EPHB4: variants seen among roughly 807,000 people sequenced by gnomAD.
EPHB4 encodes the protein ephrin type-B receptor 4.
In EPHB4, 50 loss-of-function variants were observed where a neutral mutation model predicts 110.6. The observed-to-expected ratio is 0.45, with a 90% CI of 0.36 to 0.57. EPHB4 has a LOEUF of 0.57. Among genes scored for constraint, EPHB4 ranks in the 20% least tolerant of loss-of-function variants. The pLI, the probability that EPHB4 is intolerant of heterozygous loss-of-function variation, is 0.00. For synonymous variants in EPHB4, 592 were observed against 578.4 expected, an observed-to-expected ratio of 1.02 and a Z score of -0.34; for missense variants, 1,128 against 1,382.1, an observed-to-expected ratio of 0.82 and a Z score of 2.91.
intron 1 of EPHB4, chr7:100,825,467 C>G (rs1031542219): frequency 3.3e-5 from 5 of 152,314 alleles, no homozygotes; most frequent in African/African-American, 1.2e-4. Context: ...AGAGCAAGCG[C>G]AGGCTCCCTT....
chr7:100,824,019 G>A, intron 2 of EPHB4, 88 bp from the exon 3 acceptor site: 1 of 1,509,540 alleles, frequency 6.6e-7, no homozygotes, highest in Non-Finnish European at 8.9e-7. Flanking sequence ...GAGAGGGACT[G>A]AGAAAGGGGG....
chr7:100,813,868 G>T, intron 9 of EPHB4, 51 bp downstream of exon 9: 2 of 1,609,454 alleles, frequency 1.2e-6, no homozygotes, highest in Non-Finnish European at 1.7e-6. Context: ...ACCCAGGCAG[G>T]TGGCCATCAA....
chr7:100,805,895 A>C (rs961023788), intron 14 of EPHB4: 3 of 463,692 alleles, frequency 6.5e-6, no homozygotes, highest in Middle Eastern at 5.4e-4. Context: ...TGATACAGAC[A>C]TGTTACCTCT....
Position 100,806,589 on chromosome 7 carries a change from G to C in EPHB4, c.2335-20C>G, listed in dbSNP as rs778904315. 3.7e-6 allele frequency: 6 copies of C among 1,605,830 alleles called. No homozygotes were observed. The South Asian group carries it at 5.6e-5, about 15-fold the overall frequency. ...TCCTCCCTGCAGAAAAAGGAGAAAAGGTGAGCTGGGGGACTCACTGAGGGA... is the reference window on the plus strand; with the variant it reads ...TCCTCCCTGCAGAAAAAGGAGAAAACGTGAGCTGGGGGACTCACTGAGGGA... On this transcript the variant is annotated intron_variant, in intron 13 of 16. Coordinates refer to ENST00000358173, the MANE Select transcript of EPHB4 (RefSeq NM_004444.5).
intron 8 of EPHB4, among the ~76,000 whole-genome samples, chr7:100,815,116 C>T (rs1345634828): frequency 6.6e-6 from 1 of 151,474 alleles, no homozygotes; most frequent in Non-Finnish European, 1.5e-5. Flanking sequence ...CTCAGGAGTT[C>T]GAGACCAGCC....
chr7:100,817,265 C>G lies in EPHB4; in HGVS notation c.1515G>C (p.Val505=). 1 of 1,606,734 alleles carries G rather than the reference C, an allele frequency of 6.2e-7. No homozygotes were observed. The highest frequency in any genetic ancestry group is 1.3e-5 in the African/African-American group (1 of 74,576). ...RGLKRGASYL[V]QVRARSEAGY... The stretch of plus-strand genomic sequence containing the variant: ...CGGCCTCAGAGCGCGCCCGTACCTG[C>G]ACCAGGTAGCTGGCTCCCCGCTTCA... Residue 505 remains valine (V), a synonymous_variant, in exon 8 of 17, where the codon GTG becomes GTC. Coordinates refer to ENST00000358173, the MANE Select transcript of EPHB4 (RefSeq NM_004444.5).
chr7:100,824,207 C>T lies in EPHB4; in HGVS notation c.119G>A (p.Gly40Glu). ...LKWVTFPQVDGQWEELSGLDE... is the reference protein window; with the variant it reads ...LKWVTFPQVDEQWEELSGLDE... Reference sequence around the variant, plus strand: ...GCTCCTGGGTGCAGCTCTCACCTGCCCGTCCACCTGAGGGAATGTCACCCA... The same window carrying T: ...GCTCCTGGGTGCAGCTCTCACCTGCTCGTCCACCTGAGGGAATGTCACCCA... Residue 40 changes from glycine to glutamate, a missense_variant, in exon 2 of 17, where the codon GGG becomes GAG. Gly to Glu is a moderately conservative substitution (Grantham distance 98). Coordinates refer to ENST00000358173, the MANE Select transcript of EPHB4 (RefSeq NM_004444.5). 6.2e-7 allele frequency: 1 copy of T among 1,614,130 alleles called. No homozygotes were observed. The highest frequency in any genetic ancestry group is 8.5e-7 in the Non-Finnish European group (1 of 1,180,000).
intron 8 of EPHB4, 116 bp from the exon 9 acceptor site, chr7:100,814,137 A>C: frequency 3.7e-6 from 4 of 1,091,954 alleles, no homozygotes; most frequent in Non-Finnish European, 5.2e-6. Flanking sequence ...TACAGGGGAC[A>C]GGTGGAGGGA....
At chr7:100,817,031 G>A (rs562589398) in intron 8 of EPHB4, among the ~76,000 whole-genome samples, 161 bp downstream of exon 8, 34 of 149,686 alleles carry the variant, frequency 2.3e-4, no homozygotes, top group Non-Finnish European at 3.8e-4. Flanking sequence ...TGCAGTGAGC[G>A]GAGATGGTGC....
At chr7:100,816,236 T>G (rs1813064048) in intron 8 of EPHB4, among the ~76,000 whole-genome samples, 1 of 151,814 alleles carries the variant, frequency 6.6e-6, no homozygotes, top group South Asian at 2.1e-4. Flanking sequence ...TTACCTCCAA[T>G]CCTCAAAGCC....
chr7:100,819,581 C>G lies in EPHB4; in HGVS notation c.1273G>C (p.Val425Leu), dbSNP rs1467694664. 3 of 1,573,970 alleles carry G rather than the reference C, an allele frequency of 1.9e-6. No individual in the cohort carries two copies. The highest frequency in any genetic ancestry group is 8.7e-7 in the Non-Finnish European group (1 of 1,153,804). Reference sequence around the variant, plus strand: ...CCCTCTCGGTCAGTGGTGACATTGACAGGCTCAAATGGGACGGGCCCCGTG... The same window carrying G: ...CCCTCTCGGTCAGTGGTGACATTGAGAGGCTCAAATGGGACGGGCCCCGTG... The part of the protein sequence containing the change: ...LATGPVPFEP[V>L]NVTTDREVPP... Residue 425 changes from valine (V) to leucine (L), a missense_variant, in exon 6 of 17, where the codon GTC becomes CTC. Physicochemically the swap from Val to Leu is conservative, Grantham distance 32 (BLOSUM62 1). Around this residue, in one of 3 missense-constraint regions of EPHB4, gnomAD observed 728 missense variants for 828.6 expected, o/e 0.88. Coordinates refer to ENST00000358173, the MANE Select transcript of EPHB4 (RefSeq NM_004444.5).
At chr7:100,824,115 G>A in intron 2 of EPHB4, 88 bp downstream of exon 2, 1 of 1,579,664 alleles carries the variant, frequency 6.3e-7, no homozygotes, top group Non-Finnish European at 8.7e-7. Flanking sequence ...ACAGGGGAGA[G>A]GAGTGGCACA....
In EPHB4 at chr7:100,822,395, G is replaced by A. The variant is rs556370317; in HGVS notation, c.684C>T (p.Val228=). The A allele has an allele frequency of 1.3e-6, 2 of 1,576,844 alleles. No homozygotes were observed. Among genetic ancestry groups the A allele is most frequent in the East Asian group, 2.3e-5 (1 of 43,540 alleles). Residue 228 remains valine (V), a synonymous_variant, in exon 4 of 17, where the codon GTC becomes GTT. Transcript: ENST00000358173. This position sits in a 1 kb window ranked among gnomAD's most constrained non-coding sequence, Gnocchi z 4.7. ...PVAGSCVVDA[V]PAPGPSPSLY... is the part of the protein sequence containing the mutation. ...GGCTGGGGCTGGGGCCAGGGGCGGG[G>A]ACGGCATCCACCACGCAGCTACCGG... is the stretch of plus-strand genomic sequence containing the variant.
chr7:100,806,929 C>G (rs1364222905), intron 13 of EPHB4, among the ~76,000 whole-genome samples: 1 of 152,148 alleles, frequency 6.6e-6, no homozygotes. Flanking sequence ...CTCAGCCTCC[C>G]AAAGTGCTGG....
rs1402032309 is a variant in EPHB4, at chr7:100,827,138, T to G, written c.-108A>C. 1.6e-5 allele frequency: 20 copies of G among 1,247,788 alleles called. No individual in the cohort carries two copies. Among genetic ancestry groups the G allele is most frequent in the African/African-American group, 3.1e-5 (2 of 64,598 alleles). The allele number at this position is 1,247,788 out of a possible 1,614,324, so 77.3% of individuals were successfully genotyped here. ...ACGCCGATACTCCGCGCGGGACTCC[T>G]CGTCGGGGCCCTCAGCGCGGGCCCA... is the stretch of plus-strand genomic sequence containing the variant. On this transcript the variant is annotated 5_prime_UTR_variant, in exon 1 of 17. Coordinates refer to ENST00000358173, the MANE Select transcript of EPHB4 (RefSeq NM_004444.5).
intron 8 of EPHB4, among the ~76,000 whole-genome samples, chr7:100,815,210 C>T (rs1813037884): frequency 6.6e-6 from 1 of 151,206 alleles, no homozygotes; most frequent in Admixed American, 6.6e-5. Flanking sequence ...ACAGTCCCAG[C>T]TGCTTGGGAG....
chr7:100,810,909 C>T (rs187670521), intron 12 of EPHB4, among the ~76,000 whole-genome samples: 2 of 152,112 alleles, frequency 1.3e-5, no homozygotes, highest in Non-Finnish European at 2.9e-5. Flanking sequence ...TAACTCTGTT[C>T]AATGCAATGT....
chr7:100,824,509 A>T, intron 1 of EPHB4: 1 of 539,274 alleles, frequency 1.9e-6, no homozygotes, highest in Non-Finnish European at 3.3e-6. Flanking sequence ...GATACCCCAG[A>T]TCTAGGCCTC....
intron 7 of EPHB4, 88 bp downstream of exon 7, chr7:100,818,432 T>C (rs1380105899): frequency 1.9e-5 from 29 of 1,555,852 alleles, no homozygotes; most frequent in Non-Finnish European, 2.4e-5. Context: ...GGAATTCAAA[T>C]GCCTGCCAGG....
Sources: allele counts gnomAD v4.1 joint callset (sites outside exome capture counted in the v4.1 genomes callset), GRCh38; gene constraint gnomAD v4.1.1; regional missense constraint gnomAD v4.1.1; non-coding constraint Gnocchi (gnomAD v3.1); transcripts MANE v1.5; gene names NCBI Gene and HGNC (gene_info 2026-07-23, HGNC 2026-07-21).